Variants in AFF2 observed in about 807,000 individuals in gnomAD.
AFF2 encodes the protein ALF transcription elongation factor 2, also known as AF4/FMR2 family member 2.
In AFF2, 14 loss-of-function variants were observed where a neutral mutation model predicts 76.9. The ratio of observed to expected loss-of-function variants is 0.18; its 90% CI spans 0.12 to 0.28. The LOEUF (loss-of-function observed/expected upper bound fraction) is 0.28. AFF2 is among the 10% of genes least tolerant of loss of function. The pLI, the probability that AFF2 is intolerant of heterozygous loss-of-function variation, is 1.00. For missense variants in AFF2, 868 were observed against 1,001.1 expected (o/e 0.87, Z 1.79); for synonymous variants, 398 against 366.7 (o/e 1.09, Z -0.98).
intron 7 of AFF2, among the ~76,000 whole-genome samples, chrX:148,851,448 A>G (rs992342699): frequency 5.4e-5 from 6 of 112,020 alleles, no homozygotes; most frequent in African/African-American, 1.9e-4. Flanking sequence ...CTGAAAACCA[A>G]AAGAATAAAA....
chrX:148,665,795 A>G (rs1175621259), intron 3 of AFF2, among the ~76,000 whole-genome samples: 3 of 112,003 alleles, frequency 2.7e-5, no homozygotes, highest in Non-Finnish European at 5.6e-5. Flanking sequence ...TTCAGGCACT[A>G]GGTTCCGGGT....
At position 148,998,488 on chromosome X, in the gene AFF2, G is replaced by A. The variant is rs939438695; in HGVS notation, c.*7156G>A. ...GATAATATAACTGCATTATTACATG[G>A]CAGTATAAATATTAGTCTGTTGAAT... is the stretch of plus-strand genomic sequence containing the variant. On this transcript the variant is annotated 3_prime_UTR_variant, in exon 21 of 21. Coordinates refer to ENST00000370460, the MANE Select transcript of AFF2 (RefSeq NM_002025.4). 8.9e-6 allele frequency: 1 copy of A among 112,414 alleles called. No individual in the cohort carries two copies. The highest frequency in any genetic ancestry group is 1.9e-5 in the Non-Finnish European group (1 of 53,273). 9.3% of individuals were successfully genotyped at this position (112,414 alleles called of 1,213,427 possible).
chrX:148,873,083 G>A (rs782399616), intron 7 of AFF2, among the ~76,000 whole-genome samples: 5 of 111,428 alleles, frequency 4.5e-5, no homozygotes, highest in East Asian at 2.9e-4. Flanking sequence ...GCCTGCCTTC[G>A]GGTTTTATTG....
chrX:148,509,588 G>T (rs955442255), intron 1 of AFF2, among the ~76,000 whole-genome samples: 91 of 112,051 alleles, frequency 8.1e-4, no homozygotes, highest in African/African-American at 2.8e-3. Flanking sequence ...TGAAATAATT[G>T]AAACAAGTGT....
chrX:148,625,112 T>C (rs2053910518), intron 1 of AFF2, among the ~76,000 whole-genome samples: 1 of 110,975 alleles, frequency 9.0e-6, no homozygotes, highest in Non-Finnish European at 1.9e-5. Flanking sequence ...ACTGACTTCA[T>C]CTTAATAATT....
intron 3 of AFF2, among the ~76,000 whole-genome samples, chrX:148,783,679 C>T (rs1202003672): frequency 9.0e-6 from 1 of 111,361 alleles, no homozygotes; most frequent in African/African-American, 3.3e-5. Context: ...TTTTTTTTAG[C>T]TTGTCTCTAG....
At chrX:148,678,169 A>AT (rs1348012748) in intron 3 of AFF2, among the ~76,000 whole-genome samples, 8 of 112,035 alleles carry the variant, frequency 7.1e-5, no homozygotes, top group Admixed American at 3.8e-4. Flanking sequence ...AAACACAGAG[A>AT]TTTTGAGATC....
intron 18 of AFF2, among the ~76,000 whole-genome samples, chrX:148,980,114 C>A (rs1188707597): frequency 6.3e-5 from 7 of 111,942 alleles, no homozygotes; most frequent in Non-Finnish European, 1.1e-4. Flanking sequence ...CTTGAAAATA[C>A]AAGGAAGCCC....
chrX:148,683,604 G>A (rs1006480236), intron 3 of AFF2, among the ~76,000 whole-genome samples: 12 of 111,867 alleles, frequency 1.1e-4, no homozygotes, highest in African/African-American at 3.9e-4. Flanking sequence ...TTACAGGGGA[G>A]ACATGTCTTT....
In AFF2 at chrX:148,866,728, A is replaced by G. The variant is rs188498317; in HGVS notation, c.1263-19161A>G. Among the ~76,000 whole-genome samples, 918 of 112,788 alleles carry G rather than the reference A, an allele frequency of 8.1e-3. 4 individuals carry two copies. The highest frequency in any genetic ancestry group is 0.013 in the Non-Finnish European group (683 of 53,329). ...AGTTTCTGCAAATGCTTCTCTCTCTATAATTGCAAAGTTGAGAATTATGCA... is the reference window on the plus strand; with the variant it reads ...AGTTTCTGCAAATGCTTCTCTCTCTGTAATTGCAAAGTTGAGAATTATGCA... On this transcript the variant is annotated intron_variant, in intron 7 of 20. Coordinates refer to ENST00000370460, the MANE Select transcript of AFF2 (RefSeq NM_002025.4).
intron 3 of AFF2, among the ~76,000 whole-genome samples, chrX:148,730,166 G>A (rs782298653): frequency 8.9e-6 from 1 of 112,048 alleles, no homozygotes; most frequent in African/African-American, 3.2e-5. Flanking sequence ...TCTTTAATTT[G>A]CAAATCCTCT....
chrX:148,792,145 T>C (rs2069903580), intron 3 of AFF2, among the ~76,000 whole-genome samples: 1 of 111,901 alleles, frequency 8.9e-6, no homozygotes, highest in African/African-American at 3.2e-5. Context: ...GGAAAATTAC[T>C]GAGCCTCTAT....
intron 3 of AFF2, among the ~76,000 whole-genome samples, chrX:148,713,339 A>G (rs1309850809): frequency 9.0e-6 from 1 of 111,309 alleles, no homozygotes; most frequent in African/African-American, 3.3e-5. Flanking sequence ...GCACCTTTGC[A>G]TGGCACTTTG....
intron 4 of AFF2, among the ~76,000 whole-genome samples, chrX:148,818,584 G>A (rs1557272334): frequency 9.0e-6 from 1 of 111,641 alleles, no homozygotes; most frequent in African/African-American, 3.3e-5. Context: ...AATATTAGAA[G>A]TATATATGGA....
At position 148,771,232 on chromosome X, in the gene AFF2, T is replaced by C. The variant is rs192563430; in HGVS notation, c.1042-38644T>C. Among the ~76,000 whole-genome samples the C allele has an allele frequency of 3.3e-3, 375 of 112,090 alleles. 1 individual carries two copies. Among genetic ancestry groups the C allele is most frequent in the African/African-American group, 0.012 (357 of 30,920 alleles). On this transcript the variant is annotated intron_variant, in intron 3 of 20. Transcript: ENST00000370460. ...AAGCCTTAGTCGTGAGTGAACTATA[T>C]GTTGAATTCCATGGGTGTTCCTAGT... is the stretch of plus-strand genomic sequence containing the variant.
chrX:148,888,593 T>C (rs1557279373), intron 8 of AFF2, among the ~76,000 whole-genome samples: 1 of 111,973 alleles, frequency 8.9e-6, no homozygotes, highest in Admixed American at 9.5e-5. Context: ...CAAAATCATT[T>C]TGTTTTAGAT....
intron 10 of AFF2, among the ~76,000 whole-genome samples, chrX:148,954,345 C>T (rs782609040): frequency 5.4e-5 from 6 of 111,801 alleles, no homozygotes; most frequent in South Asian, 3.8e-4. Flanking sequence ...CCAGGATAGC[C>T]GCTCAATTTC....
At chrX:148,854,885 C>A (rs1234315166) in intron 7 of AFF2, among the ~76,000 whole-genome samples, 2 of 110,931 alleles carry the variant, frequency 1.8e-5, no homozygotes, top group African/African-American at 6.6e-5. Flanking sequence ...GTTATTGGGC[C>A]TTTTTCTTTT....
At chrX:148,729,857 A>G (rs920649439) in intron 3 of AFF2, among the ~76,000 whole-genome samples, 3 of 111,649 alleles carry the variant, frequency 2.7e-5, no homozygotes, top group Non-Finnish European at 5.6e-5. Context: ...TGCTATGCCT[A>G]TGTCACCGCC....
Sources: gnomAD v4.1 joint callset for allele counts (sites outside exome capture counted in the v4.1 genomes callset) on GRCh38, gnomAD v4.1.1 for gene constraint, MANE v1.5 for transcripts, NCBI Gene and HGNC (gene_info 2026-07-23, HGNC 2026-07-21) for gene names.